MID1: variants seen among roughly 807,000 people sequenced by gnomAD.
MID1 encodes the protein midline 1, also known as E3 ubiquitin-protein ligase Midline-1.
A neutral mutation model predicts 40.4 loss-of-function variants in MID1; 7 were observed. That is an observed-to-expected ratio of 0.17 (90% CI 0.10 to 0.33). MID1 has a LOEUF of 0.33. Among genes scored for constraint, MID1 ranks in the 10% least tolerant of loss-of-function variants. The probability of loss-of-function intolerance (pLI) is 1.00; values close to 1 mark genes in which losing one functional copy is unlikely to be tolerated. For missense variants in MID1, 367 were observed against 558.5 expected, an observed-to-expected ratio of 0.66 and a Z score of 3.46; for synonymous variants, 229 against 221.2, an observed-to-expected ratio of 1.04 and a Z score of -0.31.
At chrX:10,552,686 C>CTGTA (rs1933962103) in intron 2 of MID1, among the ~76,000 whole-genome samples, 1 of 109,900 alleles carries the variant, frequency 9.1e-6, no homozygotes, top group African/African-American at 3.3e-5. Flanking sequence ...GTCCATATAA[C>CTGTA]TACAGAAAAG....
chrX:10,608,112 G>C (rs1602465343), intron 1 of MID1, among the ~76,000 whole-genome samples: 1 of 112,373 alleles, frequency 8.9e-6, no homozygotes, highest in East Asian at 2.8e-4. Flanking sequence ...CCAAATGCTG[G>C]GGAGGATGCA....
chrX:10,446,088 C>T lies in MID1; in HGVS notation c.*3280G>A, dbSNP rs969518171. 1.8e-5 allele frequency: 2 copies of T among 111,558 alleles called. No individual in the cohort carries two copies. The highest frequency in any genetic ancestry group is 4.6e-3 in the Middle Eastern group (1 of 217). The allele number at this position is 111,558 out of a possible 1,213,427, so 9.2% of individuals were successfully genotyped here. A position where few individuals can be genotyped will look rare whatever the true frequency, so the allele number is the denominator to read the frequency against. On this transcript the variant is annotated 3_prime_UTR_variant, in exon 10 of 10. Transcript: ENST00000317552. ...CTAGATGCTGGTAGCTTCCCTTCCC[C>T]GGCTGCGACAACCAAAAGTTGCCAT...
chrX:10,655,190 GA>G (rs1224318525), intron 1 of MID1, among the ~76,000 whole-genome samples: 20 of 111,350 alleles, frequency 1.8e-4, no homozygotes, highest in African/African-American at 6.2e-4. Context: ...CCAAGAAAGA[GA>G]AAAAATGGAA....
intron 1 of MID1, among the ~76,000 whole-genome samples, chrX:10,782,536 G>A (rs189575202): frequency 1.8e-5 from 2 of 111,842 alleles, no homozygotes; most frequent in African/African-American, 3.2e-5. Context: ...CCATGGGCCA[G>A]TGTGGTCAGT....
chrX:10,778,996 A>G (rs2043826372), intron 1 of MID1, among the ~76,000 whole-genome samples: 2 of 112,968 alleles, frequency 1.8e-5, no homozygotes, highest in Admixed American at 1.9e-4. Context: ...AAACATATTG[A>G]ATTCAGAGTG....
At chrX:10,486,119 G>A (rs749113673) in intron 4 of MID1, among the ~76,000 whole-genome samples, 1 of 111,868 alleles carries the variant, frequency 8.9e-6, no homozygotes, top group Non-Finnish European at 1.9e-5. Flanking sequence ...AAAGGCTGTC[G>A]AGTTAATTTG....
At chrX:10,601,966 G>A (rs1404778531) in intron 1 of MID1, among the ~76,000 whole-genome samples, 2 of 105,780 alleles carry the variant, frequency 1.9e-5, no homozygotes, top group Non-Finnish European at 3.9e-5. Flanking sequence ...GCGCAATCTC[G>A]ACTCACTGCA....
At position 10,445,617 on chromosome X, in the gene MID1, T is replaced by C. The variant is rs1055521831; in HGVS notation, c.*3751A>G. 9.0e-6 allele frequency: 1 copy of C among 111,484 alleles called. No homozygotes were observed. The highest frequency in any genetic ancestry group is 1.9e-5 in the Non-Finnish European group (1 of 53,091). The allele number at this position is 111,484 out of a possible 1,213,427, so 9.2% of individuals were successfully genotyped here. A position where few individuals can be genotyped will look rare whatever the true frequency, so the allele number is the denominator to read the frequency against. On this transcript the variant is annotated 3_prime_UTR_variant, in exon 10 of 10. Transcript: ENST00000317552. ...AAAGGAACAGCAATCAAGACAATAG[T>C]CAGGGCCGAGGGCTTGGCAGTGTGA...
intron 1 of MID1, among the ~76,000 whole-genome samples, chrX:10,734,187 C>T (rs2043471732): frequency 8.9e-6 from 1 of 112,102 alleles, no homozygotes; most frequent in Non-Finnish European, 1.9e-5. Flanking sequence ...TACATACACA[C>T]CATGGAATAC....
At chrX:10,468,276 AG>A (rs1929500560) in intron 7 of MID1, among the ~76,000 whole-genome samples, 1 of 111,483 alleles carries the variant, frequency 9.0e-6, no homozygotes, top group African/African-American at 3.3e-5. Flanking sequence ...TAAGGAAGGT[AG>A]GGGGAGCCAT....
chrX:10,461,858 A>C (rs1311575117), intron 7 of MID1, among the ~76,000 whole-genome samples: 1 of 112,079 alleles, frequency 8.9e-6, no homozygotes, highest in East Asian at 2.8e-4. Flanking sequence ...AAAAATGACT[A>C]TTGTGGTCAA....
chrX:10,553,746 T>C (rs1256170222), intron 2 of MID1, among the ~76,000 whole-genome samples: 1 of 112,070 alleles, frequency 8.9e-6, no homozygotes, highest in East Asian at 2.8e-4. Context: ...GATTTCCATA[T>C]TTCAACTTTG....
chrX:10,555,108 T>C (rs1046538574), intron 2 of MID1, among the ~76,000 whole-genome samples: 2 of 111,778 alleles, frequency 1.8e-5, no homozygotes, highest in African/African-American at 6.5e-5. Flanking sequence ...ATCTGACCTA[T>C]TAGCCCTGTT....
intron 1 of MID1, among the ~76,000 whole-genome samples, chrX:10,690,588 A>G (rs2043126489): frequency 8.9e-6 from 1 of 111,762 alleles, no homozygotes; most frequent in Non-Finnish European, 1.9e-5. Context: ...GTGGTTACCA[A>G]GCATTCAGTC....
chrX:10,468,815 T>C (rs1929529457), intron 7 of MID1, among the ~76,000 whole-genome samples: 2 of 112,282 alleles, frequency 1.8e-5, no homozygotes, highest in African/African-American at 6.5e-5. Flanking sequence ...GTTACTAACA[T>C]TTTAAGTGAT....
rs756840663 is a variant in MID1, at chrX:10,448,867, G to C, written c.*501C>G. On this transcript the variant is annotated 3_prime_UTR_variant, in exon 10 of 10. Coordinates refer to ENST00000317552, the MANE Select transcript of MID1 (RefSeq NM_000381.4). ...TTAAAACACTTCAAATTAAACCAGA[G>C]TAAGAAAGCCTGTTTCCTCCCCTAC... 1 of 115,106 alleles carries C rather than the reference G, an allele frequency of 8.7e-6. No individual in the cohort carries two copies. The highest frequency in any genetic ancestry group is 2.8e-4 in the East Asian group (1 of 3,629). The allele number at this position is 115,106 out of a possible 1,213,427, so 9.5% of individuals were successfully genotyped here. A position where few individuals can be genotyped will look rare whatever the true frequency, so the allele number is the denominator to read the frequency against.
chrX:10,796,137 C>T (rs986700011), intron 1 of MID1, among the ~76,000 whole-genome samples: 1 of 111,965 alleles, frequency 8.9e-6, no homozygotes, highest in Non-Finnish European at 1.9e-5. Context: ...AAAGTTTGTT[C>T]TTCATAAACT....
At chrX:10,570,644 C>G (rs1934695713) in intron 1 of MID1, among the ~76,000 whole-genome samples, 1 of 112,552 alleles carries the variant, frequency 8.9e-6, no homozygotes, top group South Asian at 3.7e-4. Context: ...TATATTTGAA[C>G]AGAGGTCAAC....
intron 1 of MID1, among the ~76,000 whole-genome samples, chrX:10,689,109 C>T (rs999262085): frequency 3.6e-5 from 4 of 110,546 alleles, no homozygotes; most frequent in African/African-American, 1.3e-4. Flanking sequence ...TTATGTTACA[C>T]CACTGAGGTG....
Sources: gnomAD v4.1 joint callset for allele counts (sites outside exome capture counted in the v4.1 genomes callset) on GRCh38, gnomAD v4.1.1 for gene constraint, MANE v1.5 for transcripts, NCBI Gene and HGNC (gene_info 2026-07-23, HGNC 2026-07-21) for gene names.